Variants in MROH9 observed in about 807,000 individuals in gnomAD.
The protein encoded by MROH9 is maestro heat-like repeat-containing protein family member 9.
In MROH9, 92 loss-of-function variants were observed where a neutral mutation model predicts 98.2. The ratio of observed to expected loss-of-function variants is 0.94; its 90% CI spans 0.79 to 1.11. The LOEUF is 1.11. Among genes scored for constraint, MROH9 ranks in the 50% most tolerant of loss-of-function variants. The pLI is 0.00. For missense variants in MROH9, 1,057 were observed against 1,014.8 expected, an observed-to-expected ratio of 1.04 and a Z score of -0.57; for synonymous variants, 397 against 368.9, an observed-to-expected ratio of 1.08 and a Z score of -0.87.
intron 20 of MROH9, among the ~76,000 whole-genome samples, chr1:171,057,149 C>T (rs1046555987): frequency 1.9e-4 from 29 of 152,056 alleles, no homozygotes; most frequent in African/African-American, 6.3e-4. Context: ...CTTCAGAAGA[C>T]GGGTAATAAA....
intron 5 of MROH9, among the ~76,000 whole-genome samples, chr1:170,960,782 C>G (rs1225826476): frequency 1.3e-5 from 2 of 152,118 alleles, no homozygotes; most frequent in East Asian, 1.9e-4. Flanking sequence ...ACCACCATAC[C>G]TGGCTAATTT....
In MROH9 at chr1:171,041,989, C is replaced by T. The variant is rs377385516; in HGVS notation, c.2281+16569C>T. ...CATCAAACATTTATCCTTTGAATTA[C>T]AAACAATCCAATCACACTATTTTAA... is the stretch of plus-strand genomic sequence containing the variant. On this transcript the variant is annotated intron_variant, in intron 20 of 21. Coordinates refer to ENST00000367759, the MANE Select transcript of MROH9 (RefSeq NM_001163629.2). Among the ~76,000 whole-genome samples, 21 of 152,108 alleles carry T rather than the reference C, an allele frequency of 1.4e-4. No individual in the cohort carries two copies. The South Asian group carries it at 1.5e-3, about 11-fold the overall frequency.
intron 7 of MROH9, among the ~76,000 whole-genome samples, chr1:170,970,607 A>G (rs34355454): frequency 0.2 from 29,933 of 152,062 alleles, 2,958 homozygotes; most frequent in Non-Finnish European, 0.21. Context: ...CTCTTCTCCT[A>G]CTGAGATCAT....
intron 14 of MROH9, 34 bp from the exon 15 acceptor site, chr1:170,998,120 C>T: frequency 6.5e-7 from 1 of 1,529,570 alleles, no homozygotes; most frequent in Non-Finnish European, 8.8e-7. Flanking sequence ...GTGTTTTCTC[C>T]TTTGCTAATT....
intron 10 of MROH9, among the ~76,000 whole-genome samples, chr1:170,989,108 A>C (rs1651256260): frequency 6.6e-6 from 1 of 152,182 alleles, no homozygotes; most frequent in African/African-American, 2.4e-5. Flanking sequence ...GGGTAATGTA[A>C]ATTTGCATCA....
intron 20 of MROH9, among the ~76,000 whole-genome samples, chr1:171,031,407 A>C (rs1163381094): frequency 6.6e-6 from 1 of 152,180 alleles, no homozygotes; most frequent in East Asian, 1.9e-4. Context: ...TGTGTTTTCC[A>C]GTGGCTGGTA....
chr1:171,043,641 T>C (rs569687741), intron 20 of MROH9, among the ~76,000 whole-genome samples: 45 of 152,208 alleles, frequency 3.0e-4, no homozygotes, highest in African/African-American at 9.6e-4. Flanking sequence ...TTTCTTGGTG[T>C]CTTCTTCAAT....
In MROH9 at chr1:171,044,045, C is replaced by A. The variant is rs1172228139; in HGVS notation, c.2282-18087C>A. ...GACAGTGGACATTCTTGTCATGTTC[C>A]AGATTTTAGAGAAAAGGCTTTCAGT... On this transcript the variant is annotated intron_variant, in intron 20 of 21. Transcript: ENST00000367759. Among the ~76,000 whole-genome samples, 4 of 152,104 alleles carry A rather than the reference C, an allele frequency of 2.6e-5. No individual in the cohort carries two copies. In the East Asian group the frequency reaches 7.7e-4, roughly 29 times the overall value.
intron 17 of MROH9, among the ~76,000 whole-genome samples, chr1:171,023,815 C>G (rs865819068): frequency 1.3e-5 from 2 of 151,736 alleles, no homozygotes; most frequent in Non-Finnish European, 2.9e-5. Flanking sequence ...TAACTATACT[C>G]TAATGTAACT....
chr1:170,953,717 T>C (rs1468357741), intron 3 of MROH9, among the ~76,000 whole-genome samples: 1 of 132,184 alleles, frequency 7.6e-6, no homozygotes, highest in African/African-American at 3.1e-5. Flanking sequence ...AGCCATGCAA[T>C]GTAGATTAGG....
intron 17 of MROH9, among the ~76,000 whole-genome samples, chr1:171,020,057 C>G (rs1652466548): frequency 6.6e-6 from 1 of 152,130 alleles, no homozygotes; most frequent in Non-Finnish European, 1.5e-5. Context: ...CCTCCCAAGA[C>G]AAAGCCAGGA....
intron 3 of MROH9, among the ~76,000 whole-genome samples, chr1:170,956,118 TTG>T (rs1649747828): frequency 6.6e-6 from 1 of 152,174 alleles, no homozygotes; most frequent in Non-Finnish European, 1.5e-5. Flanking sequence ...CAAAGATCAG[TTG>T]GCTGTAAGCA....
At chr1:170,970,383 G>A (rs28651462) in intron 7 of MROH9, among the ~76,000 whole-genome samples, 13,115 of 147,864 alleles carry the variant, frequency 0.089, 623 homozygotes, top group Middle Eastern at 0.14. Flanking sequence ...TCTTGCCATC[G>A]AGTGGGAAAA....
At chr1:171,024,586 G>A (rs764206167) in intron 18 of MROH9, 39 bp downstream of exon 18, 17 of 1,528,372 alleles carry the variant, frequency 1.1e-5, no homozygotes, top group Non-Finnish European at 1.5e-5. Context: ...ATTTACCAAG[G>A]ATTGTAATGT....
chr1:170,976,643 A>G (rs566458542), intron 8 of MROH9, among the ~76,000 whole-genome samples: 1 of 152,226 alleles, frequency 6.6e-6, no homozygotes, highest in East Asian at 1.9e-4. Flanking sequence ...GCTACTCAGG[A>G]GGCTGAGGCA....
chr1:171,013,874 TAC>T (rs34557125), intron 15 of MROH9, among the ~76,000 whole-genome samples: 15,151 of 144,168 alleles, frequency 0.11, 831 homozygotes, highest in East Asian at 0.22. Flanking sequence ...GTAAAATACA[TAC>T]ACACACACAC....
intron 20 of MROH9, among the ~76,000 whole-genome samples, chr1:171,026,554 T>G (rs1366205973): frequency 6.6e-6 from 1 of 152,164 alleles, no homozygotes; most frequent in Non-Finnish European, 1.5e-5. Context: ...ATTACAGGCA[T>G]GAGCCACCAT....
At chr1:170,974,498 C>G (rs1034536427) in intron 8 of MROH9, among the ~76,000 whole-genome samples, 14 of 151,308 alleles carry the variant, frequency 9.3e-5, no homozygotes, top group Admixed American at 5.9e-4. Flanking sequence ...AAGTTATAGG[C>G]AATGAAGGAA....
At chr1:170,976,725 G>T (rs911628589) in intron 8 of MROH9, among the ~76,000 whole-genome samples, 4 of 152,134 alleles carry the variant, frequency 2.6e-5, no homozygotes, top group African/African-American at 4.8e-5. Flanking sequence ...GTGTCTTGGG[G>T]ATGTAGAATT....
Sources: gnomAD v4.1 joint callset for allele counts (sites outside exome capture counted in the v4.1 genomes callset) on GRCh38, gnomAD v4.1.1 for gene constraint, MANE v1.5 for transcripts, NCBI Gene and HGNC (gene_info 2026-07-23, HGNC 2026-07-21) for gene names.